CCR5AS: variants seen among roughly 807,000 people sequenced by gnomAD.
The protein encoded by CCR5AS is CCR5 antisense RNA.
intron 2 of CCR5AS, among the ~76,000 whole-genome samples, chr3:46,378,637 C>G (rs1701784894): frequency 1.3e-5 from 2 of 152,178 alleles, no homozygotes; most frequent in African/African-American, 4.8e-5. Context: ...TCACATTCAG[C>G]TCTTTAATGT....
chr3:46,372,902 G>C (rs750682026), intron 2 of CCR5AS: 1 of 1,575,784 alleles, frequency 6.3e-7, no homozygotes, highest in Non-Finnish European at 8.6e-7. Context: ...GGTGGAACAA[G>C]ATGGATTATC....
At chr3:46,374,682 G>C (rs1000526601) in intron 2 of CCR5AS, 3 of 167,290 alleles carry the variant, frequency 1.8e-5, no homozygotes, top group Non-Finnish European at 4.4e-5. Context: ...TGGGGAGGAA[G>C]GACAAGGCTA....
intron 2 of CCR5AS, among the ~76,000 whole-genome samples, chr3:46,372,055 G>A (rs1319232550): frequency 6.6e-6 from 1 of 152,196 alleles, no homozygotes; most frequent in East Asian, 1.9e-4. Flanking sequence ...GTCCTTGTCT[G>A]CAAAATGTGA....
chr3:46,391,590 A>C (rs1340174686), intron 2 of CCR5AS, among the ~76,000 whole-genome samples: 1 of 152,170 alleles, frequency 6.6e-6, no homozygotes, highest in African/African-American at 2.4e-5. Flanking sequence ...AAGAGCCTAA[A>C]CGCTAACTGA....
At chr3:46,392,092 G>A (rs554608499) in intron 2 of CCR5AS, among the ~76,000 whole-genome samples, 5 of 152,286 alleles carry the variant, frequency 3.3e-5, no homozygotes, top group Admixed American at 6.5e-5. Context: ...TGGCCACTTG[G>A]AACTATTGTC....
chr3:46,373,678 C>T (rs1207221828), intron 2 of CCR5AS: 4 of 1,614,142 alleles, frequency 2.5e-6, no homozygotes, highest in Middle Eastern at 1.7e-4. Context: ...CTCCTGAACA[C>T]CTTCCAGGAA....
chr3:46,390,003 G>C (rs1341027129), intron 2 of CCR5AS, among the ~76,000 whole-genome samples: 1 of 152,172 alleles, frequency 6.6e-6, no homozygotes, highest in African/African-American at 2.4e-5. Context: ...CTAGTGTCCT[G>C]CTGGGAAGAT....
At chr3:46,379,162 C>A in intron 2 of CCR5AS, among the ~76,000 whole-genome samples, 1 of 102,714 alleles carries the variant, frequency 9.7e-6, no homozygotes, top group Non-Finnish European at 1.9e-5. Context: ...CCAATGCTAT[C>A]CCTCCCCCCT....
intron 3 of CCR5AS, among the ~76,000 whole-genome samples, chr3:46,365,230 T>C (rs921957306): frequency 6.6e-6 from 1 of 152,050 alleles, no homozygotes; most frequent in East Asian, 1.9e-4. Context: ...AGGTGGCAAA[T>C]TGCATTGTCA....
chr3:46,382,348 G>A (rs572113965), intron 2 of CCR5AS, among the ~76,000 whole-genome samples: 8 of 152,284 alleles, frequency 5.3e-5, no homozygotes, highest in African/African-American at 1.9e-4. Context: ...ATCAGACACC[G>A]CCTCCTCAAG....
In CCR5AS at chr3:46,367,379, AAAG is replaced by A. The variant is rs1006609409; in HGVS notation, n.566-2337_566-2335del. Among the ~76,000 whole-genome samples, 4 of 151,920 alleles carry A rather than the reference AAAG, an allele frequency of 2.6e-5. No homozygotes were observed. The South Asian group carries it at 8.3e-4, about 32-fold the overall frequency. On this transcript the variant is annotated intron_variant and non_coding_transcript_variant, in intron 3 of 3. Transcript: ENST00000451485. ...TAATCTTTAGCTAAAAAAAAAAAAA[AAAG>A]AAGCCGCCTACAGAATGGTATATGC...
At chr3:46,373,486 C>T (rs764368335) in intron 2 of CCR5AS, 3 of 1,610,210 alleles carry the variant, frequency 1.9e-6, no homozygotes, top group Non-Finnish European at 2.5e-6. Context: ...AATTTCCAGA[C>T]ATTAAAGATA....
intron 3 of CCR5AS, among the ~76,000 whole-genome samples, chr3:46,367,521 T>C (rs1391632925): frequency 6.6e-6 from 1 of 152,196 alleles, no homozygotes; most frequent in Non-Finnish European, 1.5e-5. Context: ...TTTTTTCTGT[T>C]TTTCCCAATT....
intron 1 of CCR5AS, among the ~76,000 whole-genome samples, chr3:46,405,705 C>T (rs1027569748): frequency 2.0e-5 from 3 of 152,182 alleles, no homozygotes; most frequent in African/African-American, 7.2e-5. Flanking sequence ...CCACCAGCAC[C>T]AACTCCTCTG....
intron 3 of CCR5AS, among the ~76,000 whole-genome samples, chr3:46,368,183 G>T (rs1701618292): frequency 1.3e-5 from 2 of 152,200 alleles, no homozygotes; most frequent in South Asian, 4.1e-4. Flanking sequence ...AAGACAAAAA[G>T]GCCCCAAAAA....
chr3:46,386,397 A>G (rs1161463644), intron 2 of CCR5AS, among the ~76,000 whole-genome samples: 1 of 152,158 alleles, frequency 6.6e-6, no homozygotes, highest in East Asian at 1.9e-4. Context: ...GCATGATCAG[A>G]CTTGCTTTTT....
At chr3:46,383,775 A>G (rs1282506598) in intron 2 of CCR5AS, among the ~76,000 whole-genome samples, 2 of 152,170 alleles carry the variant, frequency 1.3e-5, no homozygotes, top group African/African-American at 4.8e-5. Flanking sequence ...CCTCTAGTTC[A>G]GTTGTGCACT....
chr3:46,371,796 A>G (rs1334924041), intron 2 of CCR5AS, among the ~76,000 whole-genome samples: 2 of 152,248 alleles, frequency 1.3e-5, no homozygotes, highest in African/African-American at 4.8e-5. Flanking sequence ...CAAACTTCAC[A>G]GAAAATGTGA....
intron 2 of CCR5AS, chr3:46,372,831 A>G (rs1701681296): frequency 6.6e-6 from 8 of 1,217,466 alleles, no homozygotes; most frequent in Admixed American, 2.3e-5. Context: ...GTTTGCATTC[A>G]TGGAGGGCAA....
Sources: gnomAD v4.1 joint callset for allele counts (sites outside exome capture counted in the v4.1 genomes callset) on GRCh38, gnomAD v4.1.1 for gene constraint, MANE v1.5 for transcripts, NCBI Gene and HGNC (gene_info 2026-07-23, HGNC 2026-07-21) for gene names.